The following RTN1 variants were observed in gnomAD, a reference collection of about 807,000 sequenced individuals.
RTN1 encodes the protein reticulon-1.
In RTN1, 25 loss-of-function variants were observed where a neutral mutation model predicts 65.5. The ratio of observed to expected loss-of-function variants is 0.38; its 90% confidence interval spans 0.28 to 0.53. RTN1 has a LOEUF of 0.53. Among genes scored for constraint, RTN1 ranks in the 20% least tolerant of loss-of-function variants. RTN1 has a pLI of 0.79. For missense variants in RTN1, 983 were observed against 1,025.4 expected (o/e 0.96, Z 0.57); for synonymous variants, 471 against 447.6 (o/e 1.05, Z -0.66).
intron 3 of RTN1, among the ~76,000 whole-genome samples, chr14:59,723,616 A>AAAAT (rs906332887): frequency 3.9e-5 from 6 of 152,188 alleles, no homozygotes; most frequent in Admixed American, 2.0e-4. Context: ...ACTCCGTCTC[A>AAAAT]AAATAAATAA....
intron 1 of RTN1, among the ~76,000 whole-genome samples, chr14:59,817,619 A>G (rs1302431573): frequency 2.2e-5 from 3 of 138,934 alleles, no homozygotes; most frequent in Non-Finnish European, 4.7e-5. Context: ...TCTACACATT[A>G]CCTCCCTTTG....
intron 3 of RTN1, among the ~76,000 whole-genome samples, chr14:59,624,576 C>T (rs1163204311): frequency 1.3e-5 from 2 of 152,050 alleles, no homozygotes; most frequent in African/African-American, 4.8e-5. Flanking sequence ...ATTCTCCTGC[C>T]TCAGCCTCCC....
chr14:59,653,285 G>T (rs1166901603), intron 3 of RTN1, among the ~76,000 whole-genome samples: 1 of 152,164 alleles, frequency 6.6e-6, no homozygotes, highest in Non-Finnish European at 1.5e-5. Flanking sequence ...GACAAATGCT[G>T]TCAACCAAGA....
intron 1 of RTN1, among the ~76,000 whole-genome samples, chr14:59,787,909 A>C (rs1886281310): frequency 6.6e-6 from 1 of 152,070 alleles, no homozygotes; most frequent in Non-Finnish European, 1.5e-5. Context: ...GCCTAAATCG[A>C]TTTCTATACC....
chr14:59,774,338 T>C lies in RTN1; in HGVS notation c.242-27857A>G, dbSNP rs1396415767. Among the ~76,000 whole-genome samples the C allele has an allele frequency of 6.6e-6, 1 of 152,160 alleles. No individual in the cohort carries two copies. ...ACTCTGAATTAAAGTGTAAAAATGA[T>C]TTATAATCTATACAACACTATAGAT... On this transcript the variant is annotated intron_variant, in intron 1 of 8. Coordinates refer to ENST00000267484, the MANE Select transcript of RTN1 (RefSeq NM_021136.3). This position sits in a 1 kb window ranked among gnomAD's most constrained non-coding sequence, Gnocchi z 5.1.
chr14:59,791,073 T>C (rs1886339308), intron 1 of RTN1, among the ~76,000 whole-genome samples: 1 of 152,206 alleles, frequency 6.6e-6, no homozygotes, highest in African/African-American at 2.4e-5. Flanking sequence ...TCATGTTCTT[T>C]TAAATTTCTT....
Position 59,794,293 on chromosome 14 carries a change from A to G in RTN1, c.242-47812T>C, listed in dbSNP as rs1886402191. ...TTTCTGTGCCCTTGAGTGTTAACAG[A>G]AACACGTCTAACCCAAGTATATTGT... On this transcript the variant is annotated intron_variant, in intron 1 of 8. Transcript: ENST00000267484. This position sits in a 1 kb window ranked among gnomAD's most constrained non-coding sequence, Gnocchi z 5.1. 6.6e-6 allele frequency among the ~76,000 whole-genome samples: 1 copy of G among 152,212 alleles called. No individual in the cohort carries two copies. The highest frequency in any genetic ancestry group is 6.5e-5 in the Admixed American group (1 of 15,278).
In RTN1 at chr14:59,847,080, T is replaced by C. The variant is rs1248914088; in HGVS notation, c.241+23310A>G. 2.0e-5 allele frequency among the ~76,000 whole-genome samples: 3 copies of C among 152,224 alleles called. No individual in the cohort carries two copies. In the East Asian group the frequency reaches 5.8e-4, roughly 29 times the overall value. Reference sequence around the variant, plus strand: ...CTTCATCTTGCTAATTTCTCATGCTTTAAAACTCACTTCCAGAACCTTTTC... The same window carrying C: ...CTTCATCTTGCTAATTTCTCATGCTCTAAAACTCACTTCCAGAACCTTTTC... On this transcript the variant is annotated intron_variant, in intron 1 of 8. Coordinates refer to ENST00000267484, the MANE Select transcript of RTN1 (RefSeq NM_021136.3).
chr14:59,668,058 C>T (rs553142902), intron 3 of RTN1, among the ~76,000 whole-genome samples: 6 of 152,230 alleles, frequency 3.9e-5, no homozygotes, highest in Non-Finnish European at 8.8e-5. Flanking sequence ...AATGTCATCC[C>T]CATCAAGCTA....
chr14:59,854,369 G>A (rs193283642), intron 1 of RTN1, among the ~76,000 whole-genome samples: 103 of 152,006 alleles, frequency 6.8e-4, no homozygotes, highest in Non-Finnish European at 1.0e-3. Context: ...GTGGCCAGGC[G>A]CGGTGGCTCA....
chr14:59,644,886 G>A (rs960116505), intron 3 of RTN1, among the ~76,000 whole-genome samples: 1 of 152,094 alleles, frequency 6.6e-6, no homozygotes, highest in Non-Finnish European at 1.5e-5. Context: ...TCCTGACTGG[G>A]GTCACCAGCC....
At chr14:59,726,485 C>G (rs1884762642) in intron 3 of RTN1, among the ~76,000 whole-genome samples, 1 of 152,142 alleles carries the variant, frequency 6.6e-6, no homozygotes, top group Admixed American at 6.5e-5. Flanking sequence ...ACAGGCCTGG[C>G]TGGCAAAATA....
chr14:59,676,580 A>G (rs1368886662), intron 3 of RTN1, among the ~76,000 whole-genome samples: 1 of 152,208 alleles, frequency 6.6e-6, no homozygotes, highest in Non-Finnish European at 1.5e-5. Flanking sequence ...ACATGCAAAA[A>G]CATAGTATGT....
intron 1 of RTN1, among the ~76,000 whole-genome samples, chr14:59,802,658 T>C (rs958787496): frequency 6.6e-6 from 1 of 152,186 alleles, no homozygotes; most frequent in African/African-American, 2.4e-5. Flanking sequence ...TAGTTACCAT[T>C]TGCAATATTC....
intron 1 of RTN1, among the ~76,000 whole-genome samples, chr14:59,769,296 C>T (rs926728622): frequency 5.9e-5 from 9 of 152,196 alleles, no homozygotes; most frequent in Non-Finnish European, 1.2e-4. Context: ...AGCATATGCA[C>T]TTTGAGAGAG....
At chr14:59,654,522 TG>T (rs1883084110) in intron 3 of RTN1, among the ~76,000 whole-genome samples, 1 of 146,698 alleles carries the variant, frequency 6.8e-6, no homozygotes, top group Non-Finnish European at 1.5e-5. Flanking sequence ...AAAGTCATTA[TG>T]AAAAAAAAAA....
intron 1 of RTN1, among the ~76,000 whole-genome samples, chr14:59,815,793 C>T (rs189758409): frequency 5.0e-4 from 76 of 152,272 alleles, no homozygotes; most frequent in African/African-American, 1.8e-3. Flanking sequence ...ACCTGACCTC[C>T]CTTCCTAGAG....
At position 59,822,879 on chromosome 14, in the gene RTN1, GT is replaced by G. The variant is rs56360537; in HGVS notation, c.241+47510del. 2.7e-3 allele frequency among the ~76,000 whole-genome samples: 384 copies of G among 142,718 alleles called. 7 individuals carry two copies. The South Asian group carries it at 0.044, about 16-fold the overall frequency. The allele number at this position is 142,718 out of a possible 152,430, so 93.6% of individuals were successfully genotyped here. A position where few individuals can be genotyped will look rare whatever the true frequency, so the allele number is the denominator to read the frequency against. On this transcript the variant is annotated intron_variant, in intron 1 of 8. Transcript: ENST00000267484. ...CAAGAGTATGGTTGGTATAATTTGG[GT>G]TTTTTTTTTTTTAACTTGTTGAAAA...
rs1040215638 is a variant in RTN1, at chr14:59,596,051, T to C, written c.*694A>G. 9 of 152,660 alleles carry C rather than the reference T, an allele frequency of 5.9e-5. No individual in the cohort carries two copies. Among genetic ancestry groups the C allele is most frequent in the African/African-American group, 1.4e-4 (6 of 41,454 alleles). 9.5% of individuals were successfully genotyped at this position (152,660 alleles called of 1,614,324 possible). ...AAGTGCAAATATCCAGAGTCCGTAATTGAATCCATTAGGAACTACAGAGAA... is the reference window on the plus strand; with the variant it reads ...AAGTGCAAATATCCAGAGTCCGTAACTGAATCCATTAGGAACTACAGAGAA... On this transcript the variant is annotated 3_prime_UTR_variant, in exon 9 of 9. Transcript: ENST00000267484.
Sources: allele counts gnomAD v4.1 joint callset (sites outside exome capture counted in the v4.1 genomes callset), GRCh38; gene constraint gnomAD v4.1.1; non-coding constraint Gnocchi (gnomAD v3.1); transcripts MANE v1.5; gene names NCBI Gene and HGNC (gene_info 2026-07-23, HGNC 2026-07-21).